Variants in S100Z observed in about 807,000 individuals in gnomAD.
S100Z encodes the protein protein S100-Z.
S100Z carries 11 observed loss-of-function variants against 8.5 expected under a neutral mutation model. That is an observed-to-expected ratio of 1.30 (90% CI 0.82 to 2.15). The LOEUF (loss-of-function observed/expected upper bound fraction) is 2.15, where lower values mean the gene tolerates loss of function less well. Ranked by LOEUF, S100Z falls within the 30% of genes most tolerant of loss-of-function variation. The pLI is 0.00. For missense variants in S100Z, 126 were observed against 117.9 expected (o/e 1.07, Z -0.32); for synonymous variants, 34 against 43.8 (o/e 0.78, Z 0.89).
the S100Z span, among the ~76,000 whole-genome samples, chr5:76,939,517 C>T: frequency 7.1e-6 from 1 of 139,930 alleles, no homozygotes; most frequent in African/African-American, 2.7e-5. Flanking sequence ...TGGTGTTTAA[C>T]TTTTTTTTTT....
At chr5:76,876,980 A>G (rs1386813445) in intron 3 of S100Z, among the ~76,000 whole-genome samples, 1 of 152,176 alleles carries the variant, frequency 6.6e-6, no homozygotes, top group Non-Finnish European at 1.5e-5. Context: ...AAATGCAGGC[A>G]TCTTTATAAG....
the S100Z span, among the ~76,000 whole-genome samples, chr5:76,946,759 T>A: frequency 1.3e-5 from 2 of 152,186 alleles, no homozygotes; most frequent in Non-Finnish European, 2.9e-5. Flanking sequence ...CTATGTATTA[T>A]ATATATTATA....
chr5:76,863,241 ACTT>A (rs1466864048), intron 1 of S100Z, among the ~76,000 whole-genome samples: 1 of 152,204 alleles, frequency 6.6e-6, no homozygotes, highest in East Asian at 1.9e-4. Flanking sequence ...TTTGACCTCT[ACTT>A]CATTGTCTGA....
At chr5:76,877,291 A>T (rs1370344629) in intron 3 of S100Z, among the ~76,000 whole-genome samples, 1 of 152,134 alleles carries the variant, frequency 6.6e-6, no homozygotes, top group African/African-American at 2.4e-5. Flanking sequence ...GATTTGCTCA[A>T]ATTCGCTCGT....
At chr5:76,907,677 T>C (rs1744505456) in intron 4 of S100Z, among the ~76,000 whole-genome samples, 1 of 152,246 alleles carries the variant, frequency 6.6e-6, no homozygotes, top group Admixed American at 6.5e-5. Context: ...TTATATTTGC[T>C]ATTCTAGTTT....
At chr5:76,938,761 G>A in the S100Z span, among the ~76,000 whole-genome samples, 9 of 152,246 alleles carry the variant, frequency 5.9e-5, no homozygotes, top group East Asian at 1.7e-3. Flanking sequence ...TATGTATGGT[G>A]TGAAGTAGAG....
At chr5:76,869,191 C>G (rs1261870885) in intron 1 of S100Z, among the ~76,000 whole-genome samples, 1 of 152,104 alleles carries the variant, frequency 6.6e-6, no homozygotes, top group African/African-American at 2.4e-5. Flanking sequence ...CAGATATCAA[C>G]CCTGACATCA....
At chr5:76,914,570 A>G (rs962791122) in intron 4 of S100Z, among the ~76,000 whole-genome samples, 2 of 151,668 alleles carry the variant, frequency 1.3e-5, no homozygotes, top group Non-Finnish European at 2.9e-5. Flanking sequence ...GCTGCTGCTC[A>G]CTCTTTGGGT....
At chr5:76,869,465 C>A (rs73764761) in intron 1 of S100Z, among the ~76,000 whole-genome samples, 2,198 of 152,220 alleles carry the variant, frequency 0.014, 66 homozygotes, top group African/African-American at 0.05. Context: ...GTGCTCAGAA[C>A]CTGCAAAGGC....
At chr5:76,885,685 ATGGGGTGGGAGGTGCTTGTCCCC>A (rs1743593197) in intron 4 of S100Z, among the ~76,000 whole-genome samples, 2 of 146,264 alleles carry the variant, frequency 1.4e-5, no homozygotes, top group Non-Finnish European at 3.0e-5. Flanking sequence ...GAAAGTGGGA[ATGGGGTGGGAGGTGCTTGTCCCC>A]CAGGAAAGTG....
intron 1 of S100Z, among the ~76,000 whole-genome samples, chr5:76,862,130 C>CGTGTGT (rs3053269): frequency 5.4e-5 from 8 of 147,036 alleles, no homozygotes; most frequent in African/African-American, 1.3e-4. Flanking sequence ...AAGGAGTGTG[C>CGTGTGT]GTGTGTGTGT....
intron 4 of S100Z, among the ~76,000 whole-genome samples, chr5:76,896,089 T>C (rs1198289135): frequency 1.3e-5 from 2 of 152,130 alleles, no homozygotes; most frequent in African/African-American, 2.4e-5. Context: ...TTATTGACTA[T>C]AGTCACCCTG....
At chr5:76,850,336 GAGA>G (rs1750689837) in intron 1 of S100Z, among the ~76,000 whole-genome samples, 181 bp downstream of exon 1, 1 of 135,498 alleles carries the variant, frequency 7.4e-6, no homozygotes, top group Non-Finnish European at 1.6e-5. Context: ...GGGGGTGGGG[GAGA>G]GAGAGAGAGA....
chr5:76,903,873 C>T (rs1042160515), intron 4 of S100Z, among the ~76,000 whole-genome samples: 31 of 151,454 alleles, frequency 2.0e-4, no homozygotes, highest in African/African-American at 5.8e-4. Flanking sequence ...TACAGGCGCC[C>T]GCCACCACGC....
intron 4 of S100Z, among the ~76,000 whole-genome samples, chr5:76,908,294 G>A (rs1744526798): frequency 6.6e-6 from 1 of 152,142 alleles, no homozygotes; most frequent in African/African-American, 2.4e-5. Context: ...CAACAAGTTG[G>A]TTGACCCGGC....
At chr5:76,850,353 A>AGAGG (rs1554034985) in intron 1 of S100Z, among the ~76,000 whole-genome samples, 198 bp downstream of exon 1, 18,796 of 130,500 alleles carry the variant, frequency 0.14, 1,310 homozygotes, top group South Asian at 0.22. Context: ...AGAGAGAGAG[A>AGAGG]GAGAGGGAGA....
At chr5:76,936,076 CA>C in the S100Z span, among the ~76,000 whole-genome samples, 1 of 151,954 alleles carries the variant, frequency 6.6e-6, no homozygotes, top group Non-Finnish European at 1.5e-5. Context: ...CGTGCCCGGC[CA>C]AAATAATGAC....
intron 4 of S100Z, among the ~76,000 whole-genome samples, chr5:76,896,491 A>G (rs750648922): frequency 7.3e-5 from 11 of 150,650 alleles, no homozygotes; most frequent in Non-Finnish European, 1.5e-4. Flanking sequence ...CAGTGCTGCA[A>G]CAAACAGTGC....
At chr5:76,855,396 AG>A (rs112275168) in intron 1 of S100Z, among the ~76,000 whole-genome samples, 81 of 152,324 alleles carry the variant, frequency 5.3e-4, no homozygotes, top group Middle Eastern at 3.4e-3. Flanking sequence ...TACCCTGCAA[AG>A]CTTCAGAGGC....
Sources: allele counts gnomAD v4.1 joint callset (sites outside exome capture counted in the v4.1 genomes callset), GRCh38; gene constraint gnomAD v4.1.1; transcripts MANE v1.5; gene names NCBI Gene and HGNC (gene_info 2026-07-23, HGNC 2026-07-21).